CHL1: variants seen among roughly 807,000 people sequenced by gnomAD.
CHL1 encodes the protein cell adhesion molecule L1 like, also known as neural cell adhesion molecule L1-like protein.
In CHL1, 96 loss-of-function variants were observed where a neutral mutation model predicts 141.9. The ratio of observed to expected loss-of-function variants is 0.68; its 90% CI spans 0.57 to 0.80. CHL1 has a LOEUF of 0.80. Among genes scored for constraint, CHL1 ranks in the 30% least tolerant of loss-of-function variants. The probability of loss-of-function intolerance (pLI) is 0.00; values close to 1 mark genes in which losing one functional copy is unlikely to be tolerated. For synonymous variants in CHL1, 613 were observed against 502.2 expected (o/e 1.22, Z -2.95); for missense variants, 1,820 against 1,457.2 (o/e 1.25, Z -4.05).
intron 2 of CHL1, among the ~76,000 whole-genome samples, chr3:294,428 A>G (rs897565447): frequency 6.6e-6 from 1 of 152,206 alleles, no homozygotes; most frequent in East Asian, 1.9e-4. Flanking sequence ...TTCCCAAGTT[A>G]CCCATGTAAT....
intron 1 of CHL1, among the ~76,000 whole-genome samples, chr3:239,894 C>G (rs972178098): frequency 2.0e-5 from 3 of 152,136 alleles, no homozygotes; most frequent in African/African-American, 7.2e-5. Flanking sequence ...TCGTCTCCAG[C>G]TCCATCCAGG....
At chr3:216,444 A>G (rs1172961753) in intron 1 of CHL1, among the ~76,000 whole-genome samples, 1 of 152,202 alleles carries the variant, frequency 6.6e-6, no homozygotes, top group Non-Finnish European at 1.5e-5. Flanking sequence ...TCTTTCATAA[A>G]GCTGAGAGTT....
At chr3:245,149 CT>C (rs1373867885) in intron 2 of CHL1, among the ~76,000 whole-genome samples, 6 of 152,284 alleles carry the variant, frequency 3.9e-5, no homozygotes, top group African/African-American at 1.4e-4. Context: ...GCTTCAGTCA[CT>C]GTTCCTTGAA....
At position 389,400 on chromosome 3, in the gene CHL1, T is replaced by A. The variant is rs745826265; in HGVS notation, c.2396T>A (p.Val799Asp). ...MTPAVYAPYD[V>D]KVQAINQLGS... The stretch of plus-strand genomic sequence containing the variant: ...CCTGCTGTCTATGCCCCTTATGATG[T>A]CAAGGTCCAGGCTATCAATCAACTA... The change falls in exon 20 of 28, where the codon GTC (valine) becomes GAC (aspartate). Residue 799 changes from valine to aspartate, a missense_variant. Coordinates refer to ENST00000256509, the MANE Select transcript of CHL1 (RefSeq NM_006614.4). 2 of 1,614,098 alleles carry A rather than the reference T, an allele frequency of 1.2e-6. No homozygotes were observed. Among genetic ancestry groups the A allele is most frequent in the Non-Finnish European group, 1.7e-6 (2 of 1,180,050 alleles).
intron 1 of CHL1, among the ~76,000 whole-genome samples, chr3:202,834 T>G (rs1368445367): frequency 6.6e-6 from 1 of 152,242 alleles, no homozygotes; most frequent in Non-Finnish European, 1.5e-5. Flanking sequence ...TGTGTATAAT[T>G]TCGTTTTTCA....
chr3:236,102 C>T (rs1160638683), intron 1 of CHL1, among the ~76,000 whole-genome samples: 1 of 152,138 alleles, frequency 6.6e-6, no homozygotes, highest in African/African-American at 2.4e-5. Context: ...AGATTTGGAC[C>T]TTGTGTGGCA....
chr3:199,380 A>G (rs1187941867), intron 1 of CHL1, among the ~76,000 whole-genome samples: 1 of 152,176 alleles, frequency 6.6e-6, no homozygotes, highest in African/African-American at 2.4e-5. Context: ...CCAGATTGTT[A>G]TCTGTTGCAT....
intron 15 of CHL1, among the ~76,000 whole-genome samples, chr3:374,859 C>T (rs1706115950): frequency 6.6e-6 from 1 of 152,202 alleles, no homozygotes; most frequent in Non-Finnish European, 1.5e-5. Flanking sequence ...ACACCTTCTC[C>T]TTATTACTAT....
chr3:206,900 C>T (rs1353505667), intron 1 of CHL1, among the ~76,000 whole-genome samples: 4 of 152,316 alleles, frequency 2.6e-5, no homozygotes, highest in South Asian at 2.1e-4. Flanking sequence ...AATTGCATTT[C>T]GCGGTTGGCA....
chr3:314,329 GTATA>G (rs56292297), intron 2 of CHL1, among the ~76,000 whole-genome samples: 3,517 of 65,136 alleles, frequency 0.054, 205 homozygotes, highest in East Asian at 0.15. Context: ...CTCTCTATGT[GTATA>G]TATATATATA....
chr3:198,067 G>T (rs1387105449), intron 1 of CHL1: 1 of 299,386 alleles, frequency 3.3e-6, no homozygotes, highest in Non-Finnish European at 6.7e-6. Flanking sequence ...CCACGGGCCG[G>T]AGGAGCAGCA....
intron 19 of CHL1, among the ~76,000 whole-genome samples, chr3:386,075 G>A (rs910620976): frequency 5.3e-5 from 8 of 151,738 alleles, no homozygotes; most frequent in Non-Finnish European, 7.4e-5. Flanking sequence ...ATCATCCTGC[G>A]GAAAGGAGTT....
chr3:376,138 A>G (rs1706285468), intron 15 of CHL1, among the ~76,000 whole-genome samples: 1 of 152,214 alleles, frequency 6.6e-6, no homozygotes, highest in Non-Finnish European at 1.5e-5. Flanking sequence ...ACAACTTTTT[A>G]AAGCAGAATC....
chr3:256,120 C>G (rs774877064), intron 2 of CHL1, among the ~76,000 whole-genome samples: 1 of 152,116 alleles, frequency 6.6e-6, no homozygotes, highest in Admixed American at 6.5e-5. Flanking sequence ...ATATTCTAAG[C>G]GAAGTAAGGA....
intron 2 of CHL1, among the ~76,000 whole-genome samples, chr3:298,186 A>C (rs965848708): frequency 1.3e-5 from 2 of 152,252 alleles, no homozygotes; most frequent in African/African-American, 4.8e-5. Flanking sequence ...ATAAATAGGC[A>C]TAAAAAATGT....
At chr3:388,323 G>A (rs1377531082) in intron 19 of CHL1, among the ~76,000 whole-genome samples, 4 of 152,188 alleles carry the variant, frequency 2.6e-5, no homozygotes, top group Admixed American at 6.5e-5. Flanking sequence ...CGAGGCAGGC[G>A]GATCACCTGA....
intron 27 of CHL1, among the ~76,000 whole-genome samples, chr3:403,040 A>G (rs1375951189): frequency 6.6e-6 from 1 of 152,192 alleles, no homozygotes; most frequent in Non-Finnish European, 1.5e-5. Context: ...GACCAGGGCT[A>G]TGGTTTCATC....
At chr3:242,314 T>A (rs1268804060) in intron 1 of CHL1, among the ~76,000 whole-genome samples, 2 of 151,386 alleles carry the variant, frequency 1.3e-5, no homozygotes, top group Non-Finnish European at 3.0e-5. Context: ...ATACAGAGAC[T>A]GGCTGAGCGC....
At chr3:313,259 C>T (rs1026524414) in intron 2 of CHL1, among the ~76,000 whole-genome samples, 1 of 152,010 alleles carries the variant, frequency 6.6e-6, no homozygotes, top group Admixed American at 6.6e-5. Context: ...GAAATTTGAC[C>T]TAAAACTGTT....
Sources: gnomAD v4.1 joint callset for allele counts (sites outside exome capture counted in the v4.1 genomes callset) on GRCh38, gnomAD v4.1.1 for gene constraint, MANE v1.5 for transcripts, NCBI Gene and HGNC (gene_info 2026-07-23, HGNC 2026-07-21) for gene names.